BTBD9: variants seen among roughly 807,000 people sequenced by gnomAD.
The protein encoded by BTBD9 is BTB domain containing 9.
In BTBD9, 49 loss-of-function variants were observed where a neutral mutation model predicts 64.3. That is an observed-to-expected ratio of 0.76 (90% CI 0.61 to 0.97). The LOEUF (loss-of-function observed/expected upper bound fraction) is 0.97. Among genes scored for constraint, BTBD9 ranks in the 50% least tolerant of loss-of-function variants. BTBD9 has a pLI of 0.00. For missense variants in BTBD9, 598 were observed against 762.1 expected, an observed-to-expected ratio of 0.78 and a Z score of 2.53; for synonymous variants, 260 against 274.7, an observed-to-expected ratio of 0.95 and a Z score of 0.53.
chr6:38,204,069 C>G (rs956152971), intron 9 of BTBD9, among the ~76,000 whole-genome samples: 1 of 151,838 alleles, frequency 6.6e-6, no homozygotes, highest in Admixed American at 6.6e-5. Context: ...AAAAAGATAA[C>G]AGCAACTGTT....
intron 1 of BTBD9, among the ~76,000 whole-genome samples, chr6:38,615,231 T>C (rs1269652265): frequency 6.6e-6 from 1 of 152,268 alleles, no homozygotes; most frequent in East Asian, 1.9e-4. Flanking sequence ...TCTTGTCATC[T>C]GCACTTAGAA....
rs894309063 is a variant in BTBD9 at position 38,605,345 on chromosome 6, GC to G, written c.-27-7225del. On this transcript the variant is annotated intron_variant, in intron 1 of 10. Transcript: ENST00000481247. ...TTACAGGCGTGAACCACCATACCCA[GC>G]CAGCTTTACTAGTTCTTAGTAAGTG... is the stretch of plus-strand genomic sequence containing the variant. 4.3e-4 allele frequency among the ~76,000 whole-genome samples: 66 copies of G among 152,048 alleles called. 2 individuals are homozygous for G. Among genetic ancestry groups the G allele is most frequent in the East Asian group, 5.8e-4 (3 of 5,182 alleles).
At position 38,588,256 on chromosome 6, in the gene BTBD9, GCC is replaced by G. The variant is rs1197754459; in HGVS notation, c.814+4318_814+4319del. 37 of 1,132,840 alleles carry G rather than the reference GCC, an allele frequency of 3.3e-5. No individual in the cohort carries two copies. In the African/African-American group the frequency reaches 4.4e-4, roughly 13 times the overall value. 70.2% of individuals were successfully genotyped at this position (1,132,840 alleles called of 1,614,324 possible). ...GCACCAGCTCCTGCCTTTTTGGTCA[GCC>G]TCAACAACTGCCTGCTCAGCTGCCA... is the stretch of plus-strand genomic sequence containing the variant. On this transcript the variant is annotated intron_variant, in intron 4 of 10. Coordinates refer to ENST00000481247, the MANE Select transcript of BTBD9 (RefSeq NM_001099272.2).
At chr6:38,538,324 G>T (rs1247337471) in intron 6 of BTBD9, among the ~76,000 whole-genome samples, 1 of 152,116 alleles carries the variant, frequency 6.6e-6, no homozygotes, top group Admixed American at 6.5e-5. Context: ...GGGAAATTAA[G>T]GGGTTTCTGA....
At chr6:38,370,149 A>G (rs911174120) in intron 6 of BTBD9, among the ~76,000 whole-genome samples, 26 of 152,264 alleles carry the variant, frequency 1.7e-4, no homozygotes, top group African/African-American at 6.0e-4. Context: ...AATATAAGGG[A>G]CTTCATTATG....
At chr6:38,395,753 A>G (rs953643778) in intron 6 of BTBD9, among the ~76,000 whole-genome samples, 6 of 150,948 alleles carry the variant, frequency 4.0e-5, no homozygotes, top group Non-Finnish European at 5.9e-5. Context: ...TCTGTCGCCC[A>G]GGCTGGAGTG....
rs116199125 is a variant in BTBD9 at position 38,552,638 on chromosome 6, G to A, written c.1154+24962C>T. On this transcript the variant is annotated intron_variant, in intron 6 of 10. Transcript: ENST00000481247. The stretch of plus-strand genomic sequence containing the variant: ...AAAAATTAGCCGGGTGTGGTGGCTG[G>A]AGCCTGTCATCCTAGCTACTCGGGA... 5.4e-3 allele frequency among the ~76,000 whole-genome samples: 823 copies of A among 151,928 alleles called. 3 individuals carry two copies. Among genetic ancestry groups the A allele is most frequent in the African/African-American group, 0.018 (763 of 41,438 alleles).
At chr6:38,410,954 A>G (rs1767399389) in intron 6 of BTBD9, among the ~76,000 whole-genome samples, 1 of 151,818 alleles carries the variant, frequency 6.6e-6, no homozygotes, top group African/African-American at 2.4e-5. Context: ...CTCCAGTCCA[A>G]CCTCTCTCTC....
intron 6 of BTBD9, among the ~76,000 whole-genome samples, chr6:38,555,413 A>G (rs984864798): frequency 1.3e-5 from 2 of 152,230 alleles, no homozygotes; most frequent in Non-Finnish European, 2.9e-5. Flanking sequence ...AACGACCAAA[A>G]TTCCATAGTG....
At chr6:38,634,514 A>G (rs1463238947) in intron 1 of BTBD9, among the ~76,000 whole-genome samples, 1 of 152,132 alleles carries the variant, frequency 6.6e-6, no homozygotes, top group Non-Finnish European at 1.5e-5. Flanking sequence ...TACAGGACAC[A>G]GACTGGAATC....
At chr6:38,352,048 T>A (rs1469722082) in intron 6 of BTBD9, among the ~76,000 whole-genome samples, 1 of 152,168 alleles carries the variant, frequency 6.6e-6, no homozygotes, top group Non-Finnish European at 1.5e-5. Flanking sequence ...CTTTAAGGTA[T>A]ACTGGGTAAA....
At chr6:38,443,130 C>T (rs1178050975) in intron 6 of BTBD9, among the ~76,000 whole-genome samples, 1 of 152,038 alleles carries the variant, frequency 6.6e-6, no homozygotes, top group African/African-American at 2.4e-5. Context: ...ACACAATGGA[C>T]CACATGAACA....
chr6:38,253,045 C>A (rs970159373), intron 9 of BTBD9, among the ~76,000 whole-genome samples: 1 of 152,070 alleles, frequency 6.6e-6, no homozygotes, highest in Non-Finnish European at 1.5e-5. Context: ...ACCTGGGAGG[C>A]GGAGGTTCCA....
At chr6:38,192,647 C>T in intron 9 of BTBD9, 50 bp from the exon 10 acceptor site, 1 of 1,542,668 alleles carries the variant, frequency 6.5e-7, no homozygotes, top group South Asian at 1.1e-5. Context: ...AGTTGACTCT[C>T]TGGTAGTGTG....
intron 1 of BTBD9, among the ~76,000 whole-genome samples, chr6:38,637,588 G>A (rs1047632555): frequency 6.6e-6 from 1 of 152,108 alleles, no homozygotes; most frequent in South Asian, 2.1e-4. Context: ...ACCTCAGAGA[G>A]ATAATCCCAA....
intron 7 of BTBD9, among the ~76,000 whole-genome samples, chr6:38,330,728 T>C (rs1283036721): frequency 6.6e-6 from 1 of 152,236 alleles, no homozygotes; most frequent in South Asian, 2.1e-4. Context: ...AATGATACAA[T>C]GCAGAAGCTA....
intron 6 of BTBD9, among the ~76,000 whole-genome samples, chr6:38,517,025 G>T (rs1365778881): frequency 6.6e-6 from 1 of 152,178 alleles, no homozygotes; most frequent in Non-Finnish European, 1.5e-5. Flanking sequence ...AGTGTCCAGA[G>T]CTCCAAAGAG....
At position 38,512,236 on chromosome 6, in the gene BTBD9, G is replaced by T. The variant is rs367568782; in HGVS notation, c.1154+65364C>A. On this transcript the variant is annotated intron_variant, in intron 6 of 10. Coordinates refer to ENST00000481247, the MANE Select transcript of BTBD9 (RefSeq NM_001099272.2). ...GATCTGCCCGCCTCGGCCTCCCAAA[G>T]TGCTGAGATTACAGGCGTGAACCAC... Among the ~76,000 whole-genome samples, 841 of 152,246 alleles carry T rather than the reference G, an allele frequency of 5.5e-3. 13 individuals are homozygous for T. Among genetic ancestry groups the T allele is most frequent in the African/African-American group, 0.019 (779 of 41,522 alleles).
At chr6:38,518,809 C>G (rs537479666) in intron 6 of BTBD9, among the ~76,000 whole-genome samples, 4 of 152,204 alleles carry the variant, frequency 2.6e-5, no homozygotes, top group African/African-American at 9.6e-5. Flanking sequence ...ATGTGAATGG[C>G]TACTATAAGG....
Sources: allele counts gnomAD v4.1 joint callset (sites outside exome capture counted in the v4.1 genomes callset), GRCh38; gene constraint gnomAD v4.1.1; transcripts MANE v1.5; gene names NCBI Gene and HGNC (gene_info 2026-07-23, HGNC 2026-07-21).